The following NPAS3 variants were observed in gnomAD, a reference collection of about 807,000 sequenced individuals.
The protein encoded by NPAS3 is neuronal PAS domain protein 3.
Under a neutral mutation model 73.1 loss-of-function variants are expected in NPAS3, and 14 were observed. That is an observed-to-expected ratio of 0.19 (90% CI 0.13 to 0.30). The LOEUF is 0.30. NPAS3 is among the 10% of genes least tolerant of loss of function. The probability of loss-of-function intolerance (pLI) is 1.00; values close to 1 mark genes in which losing one functional copy is unlikely to be tolerated. For synonymous variants in NPAS3, 620 were observed against 541.5 expected (o/e 1.14, Z -2.01); for missense variants, 1,096 against 1,250.0 (o/e 0.88, Z 1.86).
At chr14:33,513,900 A>G (rs2053178139) in intron 4 of NPAS3, among the ~76,000 whole-genome samples, 1 of 152,028 alleles carries the variant, frequency 6.6e-6, no homozygotes, top group Admixed American at 6.6e-5. Context: ...GAGAGGGGTG[A>G]GGTGGTTAGA....
chr14:33,177,451 C>T (rs2045635429), intron 2 of NPAS3, among the ~76,000 whole-genome samples: 1 of 150,870 alleles, frequency 6.6e-6, no homozygotes, highest in African/African-American at 2.5e-5. Context: ...ATATTTTCTC[C>T]CATTCTGTAT....
Position 33,398,161 on chromosome 14 carries a change from GT to G in NPAS3, c.468+30897del, listed in dbSNP as rs1314453225. On this transcript the variant is annotated intron_variant, in intron 4 of 11. Transcript: ENST00000356141. ...GTTTTTCCTACCTGATTATCCAGTT[GT>G]TTTGGGGATGGCAGTTCACACTGCT... 7.2e-5 allele frequency among the ~76,000 whole-genome samples: 11 copies of G among 152,190 alleles called. No homozygotes were observed. In the East Asian group the frequency reaches 2.1e-3, roughly 30 times the overall value.
At chr14:33,547,751 C>G (rs1372909986) in intron 4 of NPAS3, among the ~76,000 whole-genome samples, 1 of 152,166 alleles carries the variant, frequency 6.6e-6, no homozygotes, top group African/African-American at 2.4e-5. Flanking sequence ...CAGGCTATAC[C>G]ATCTGACATT....
intron 5 of NPAS3, among the ~76,000 whole-genome samples, chr14:33,665,921 G>GAGAT (rs1314116809): frequency 2.0e-5 from 3 of 152,206 alleles, no homozygotes; most frequent in African/African-American, 7.2e-5. Flanking sequence ...AGGAACAAAT[G>GAGAT]AGATAAAAAT....
At chr14:33,339,769 T>A (rs185854519) in intron 3 of NPAS3, among the ~76,000 whole-genome samples, 3 of 152,358 alleles carry the variant, frequency 2.0e-5, no homozygotes, top group Admixed American at 2.0e-4. Flanking sequence ...TCCTAATGGA[T>A]AGGATTCCCA....
intron 3 of NPAS3, among the ~76,000 whole-genome samples, chr14:33,284,834 G>T (rs2041808044): frequency 6.6e-6 from 1 of 150,912 alleles, no homozygotes; most frequent in Non-Finnish European, 1.5e-5. Context: ...CTCAACATCT[G>T]CCTGTAGTAG....
chr14:33,061,488 G>A (rs2041097656), intron 2 of NPAS3, among the ~76,000 whole-genome samples: 1 of 152,176 alleles, frequency 6.6e-6, no homozygotes, highest in Admixed American at 6.5e-5. Flanking sequence ...TCCACATCAT[G>A]CCTTTCAGAC....
intron 6 of NPAS3, among the ~76,000 whole-genome samples, chr14:33,719,910 C>T (rs199936846): frequency 2.6e-5 from 4 of 151,864 alleles, no homozygotes; most frequent in East Asian, 3.9e-4. Context: ...TGTTAATTGT[C>T]GGGGCATCAT....
At chr14:33,630,084 C>T (rs2058336552) in intron 5 of NPAS3, among the ~76,000 whole-genome samples, 1 of 152,130 alleles carries the variant, frequency 6.6e-6, no homozygotes, top group African/African-American at 2.4e-5. Context: ...TATTCTCTTC[C>T]AGGACATATT....
chr14:33,321,841 A>G (rs2043460815), intron 3 of NPAS3, among the ~76,000 whole-genome samples: 1 of 152,182 alleles, frequency 6.6e-6, no homozygotes, highest in Non-Finnish European at 1.5e-5. Flanking sequence ...CAGTAACTGG[A>G]AAGTTCTTAA....
At chr14:32,984,702 A>C (rs1019317594) in intron 1 of NPAS3, among the ~76,000 whole-genome samples, 1 of 152,240 alleles carries the variant, frequency 6.6e-6, no homozygotes, top group Non-Finnish European at 1.5e-5. Flanking sequence ...AACTCCTTAA[A>C]AAAACACAGT....
intron 7 of NPAS3, among the ~76,000 whole-genome samples, chr14:33,754,678 A>G (rs1234676895): frequency 6.6e-6 from 1 of 152,196 alleles, no homozygotes; most frequent in Non-Finnish European, 1.5e-5. Flanking sequence ...ACAGCACAGC[A>G]TCTTTACTGT....
intron 2 of NPAS3, among the ~76,000 whole-genome samples, chr14:33,177,179 C>A (rs1369481636): frequency 6.6e-6 from 1 of 150,956 alleles, no homozygotes; most frequent in Non-Finnish European, 1.5e-5. Context: ...TCGGTGCAAC[C>A]TCCACGTCCC....
intron 2 of NPAS3, among the ~76,000 whole-genome samples, chr14:33,106,517 A>G (rs2042725949): frequency 6.6e-6 from 1 of 152,174 alleles, no homozygotes. Flanking sequence ...TTAAAGGAGA[A>G]GCAAATCATT....
At chr14:33,510,776 C>T (rs1411552223) in intron 4 of NPAS3, among the ~76,000 whole-genome samples, 1 of 152,034 alleles carries the variant, frequency 6.6e-6, no homozygotes, top group Admixed American at 6.6e-5. Context: ...AATGTGGATG[C>T]ATGGTGTAGG....
At chr14:33,263,147 G>C (rs1015629393) in intron 3 of NPAS3, among the ~76,000 whole-genome samples, 2 of 152,094 alleles carry the variant, frequency 1.3e-5, no homozygotes, top group African/African-American at 2.4e-5. Context: ...GTCAATTTTG[G>C]CTTTTGTTGC....
chr14:33,390,746 T>C (rs573636960), intron 4 of NPAS3, among the ~76,000 whole-genome samples: 1 of 152,338 alleles, frequency 6.6e-6, no homozygotes, highest in South Asian at 2.1e-4. Context: ...GGGAAAAGTA[T>C]GCATCTGTGC....
chr14:33,126,441 T>A (rs2043428927), intron 2 of NPAS3, among the ~76,000 whole-genome samples: 2 of 152,028 alleles, frequency 1.3e-5, no homozygotes, highest in Non-Finnish European at 2.9e-5. Context: ...AAAATGTAGA[T>A]CCCCAGATAT....
At chr14:33,099,941 G>T (rs548291520) in intron 2 of NPAS3, among the ~76,000 whole-genome samples, 150 of 152,246 alleles carry the variant, frequency 9.9e-4, no homozygotes, top group Non-Finnish European at 1.7e-3. Flanking sequence ...GAAATGGTTA[G>T]ATTTCTAAAA....
Sources: gnomAD v4.1 joint callset for allele counts (sites outside exome capture counted in the v4.1 genomes callset) on GRCh38, gnomAD v4.1.1 for gene constraint, MANE v1.5 for transcripts, NCBI Gene and HGNC (gene_info 2026-07-23, HGNC 2026-07-21) for gene names.